The following MRPS22 variants were observed in gnomAD, a reference collection of about 807,000 sequenced individuals.
The protein encoded by MRPS22 is mitochondrial ribosomal protein S22, also known as small ribosomal subunit protein mS22.
In MRPS22, 30 loss-of-function variants were observed where a neutral mutation model predicts 44.0. The ratio of observed to expected loss-of-function variants is 0.68; its 90% confidence interval spans 0.51 to 0.93. The LOEUF (loss-of-function observed/expected upper bound fraction) is 0.93, where lower values mean the gene tolerates loss of function less well. Among genes scored for constraint, MRPS22 ranks in the 40% least tolerant of loss-of-function variants. The pLI is 0.00. For synonymous variants in MRPS22, 165 were observed against 154.4 expected (o/e 1.07, Z -0.51); for missense variants, 447 against 447.8 (o/e 1.00, Z 0.02).
intron 6 of MRPS22, 110 bp downstream of exon 6, chr3:139,352,902 C>T: frequency 8.5e-7 from 1 of 1,181,134 alleles, no homozygotes; most frequent in Non-Finnish European, 1.2e-6. Context: ...CTAGTGCTTG[C>T]TTACCTCAGT....
chr3:139,344,787 A>C, intron 1 of MRPS22: 1 of 630,000 alleles, frequency 1.6e-6, no homozygotes, highest in Non-Finnish European at 2.8e-6. Context: ...ATTGTTTCTT[A>C]AGTTTTTGAT....
rs2107792021 is a variant in MRPS22 at position 139,355,765 on chromosome 3, C to T, written c.962C>T (p.Ala321Val). 3.1e-6 allele frequency: 5 copies of T among 1,614,010 alleles called. No homozygotes were observed. Among genetic ancestry groups the T allele is most frequent in the Non-Finnish European group, 3.4e-6 (4 of 1,179,908 alleles). Residue 321 changes from alanine (A) to valine (V), a missense_variant, in exon 7 of 8, where the codon GCT becomes GTT. Transcript: ENST00000680020. ...GQSAQGAKDQAAEGINLIKVF... is the reference protein window; with the variant it reads ...GQSAQGAKDQVAEGINLIKVF... ...TCGGCTCAAGGGGCCAAGGATCAGG[C>T]TGCTGAGGGAATAAATTTAATCAAG...
chr3:139,354,816 A>G (rs1941213964), intron 6 of MRPS22, among the ~76,000 whole-genome samples: 1 of 152,156 alleles, frequency 6.6e-6, no homozygotes, highest in African/African-American at 2.4e-5. Context: ...TAGTTCACTT[A>G]GTGTATATAG....
Position 139,350,164 on chromosome 3 carries a change from GT to G in MRPS22, c.505-10del, listed in dbSNP as rs780027113. 1.2e-6 allele frequency: 2 copies of G among 1,613,960 alleles called. No homozygotes were observed. The highest frequency in any genetic ancestry group is 1.3e-5 in the African/African-American group (1 of 75,036). ...TCCTCACAAACGCATCCTTGATTAT[GT>G]TTTTCTATTTTAGGAGCGTTTTATT... On this transcript the variant is annotated splice_polypyrimidine_tract_variant and intron_variant, in intron 3 of 7. Coordinates refer to ENST00000680020, the MANE Select transcript of MRPS22 (RefSeq NM_020191.4).
At chr3:139,355,479 C>T in intron 6 of MRPS22, 1 of 596,558 alleles carries the variant, frequency 1.7e-6, no homozygotes, top group African/African-American at 1.9e-5. Flanking sequence ...GCCCTAGCTG[C>T]CTCACGGAGT....
At chr3:139,344,979 A>G (rs1333063680) in intron 1 of MRPS22, among the ~76,000 whole-genome samples, 1 of 152,202 alleles carries the variant, frequency 6.6e-6, no homozygotes, top group African/African-American at 2.4e-5. Context: ...ACTGTTTAGT[A>G]TGGAGTTAAA....
intron 6 of MRPS22, among the ~76,000 whole-genome samples, chr3:139,353,666 T>A (rs188190769): frequency 2.9e-4 from 44 of 152,340 alleles, no homozygotes; most frequent in Non-Finnish European, 5.3e-4. Context: ...AAAAAGGGCA[T>A]CATTTCTCAT....
At chr3:139,355,153 G>A (rs906618664) in intron 6 of MRPS22, among the ~76,000 whole-genome samples, 1 of 152,092 alleles carries the variant, frequency 6.6e-6, no homozygotes, top group African/African-American at 2.4e-5. Context: ...TTACTAATGC[G>A]TTCCTGTGAA....
At chr3:139,348,037 T>G in intron 2 of MRPS22, 123 bp from the exon 3 acceptor site, 2 of 1,034,276 alleles carry the variant, frequency 1.9e-6, no homozygotes, top group East Asian at 2.6e-5. Context: ...TACTCACTGA[T>G]TTGTGGCTAC....
intron 1 of MRPS22, among the ~76,000 whole-genome samples, chr3:139,345,004 C>A (rs575681665): frequency 6.6e-6 from 1 of 152,086 alleles, no homozygotes; most frequent in Non-Finnish European, 1.5e-5. Context: ...AAGTGAGGAA[C>A]ATCGGAGTAA....
At chr3:139,348,894 ACT>A (rs5852941) in intron 3 of MRPS22, 111,466 of 164,118 alleles carry the variant, frequency 0.68, 40,554 homozygotes, top group East Asian at 0.9. Context: ...TTAAAAGAAC[ACT>A]CTGGCATTTT....
chr3:139,347,176 G>A lies in MRPS22; in HGVS notation c.339+132G>A. 3 of 1,103,752 alleles carry A rather than the reference G, an allele frequency of 2.7e-6. No individual in the cohort carries two copies. The South Asian group carries it at 3.9e-5, about 15-fold the overall frequency. The allele number at this position is 1,103,752 out of a possible 1,614,324, so 68.4% of individuals were successfully genotyped here. A position where few individuals can be genotyped will look rare whatever the true frequency, so the allele number is the denominator to read the frequency against. ...GAAAGGTAATACCAGGCATAGAACT[G>A]AGAAAAGAAATGTGAGTAGGCTGCC... On this transcript the variant is annotated intron_variant, in intron 2 of 7. Coordinates refer to ENST00000680020, the MANE Select transcript of MRPS22 (RefSeq NM_020191.4).
chr3:139,350,134 A>T, intron 3 of MRPS22, 45 bp from the exon 4 acceptor site: 1 of 1,612,994 alleles, frequency 6.2e-7, no homozygotes, highest in Non-Finnish European at 8.5e-7. Flanking sequence ...GGAACTAAAA[A>T]TACGTCCTCA....
Position 139,351,053 on chromosome 3 carries a change from A to C in MRPS22, c.725A>C (p.Tyr242Ser), listed in dbSNP as rs751395416. ...FAQFEPDSTE[Y>S]IKVHHKTYED... is the part of the protein sequence containing the mutation. ...CAGTTTGAGCCAGATTCCACAGAGT[A>C]TATCAAGGTGAGTAGATTTTAGTTT... Residue 242 changes from tyrosine (Y) to serine (S), a missense_variant, in exon 5 of 8, where the codon TAT becomes TCT. Transcript: ENST00000680020. 13 of 1,613,148 alleles carry C rather than the reference A, an allele frequency of 8.1e-6. No homozygotes were observed. The highest frequency in any genetic ancestry group is 1.1e-5 in the Non-Finnish European group (13 of 1,179,198).
At chr3:139,351,102 T>C (rs1194602280) in intron 5 of MRPS22, 42 bp downstream of exon 5, 1 of 1,437,764 alleles carries the variant, frequency 7.0e-7, no homozygotes, top group Admixed American at 1.7e-5. Flanking sequence ...TTAAGTATGG[T>C]TATGAGTAAG....
chr3:139,344,521 G>C, intron 1 of MRPS22: 1 of 609,300 alleles, frequency 1.6e-6, no homozygotes, highest in East Asian at 2.7e-5. Context: ...TGTGACCCGG[G>C]TTGTTATAGG....
At chr3:139,355,978 G>C (rs1041318973) in intron 7 of MRPS22, among the ~76,000 whole-genome samples, 188 bp downstream of exon 7, 1 of 152,162 alleles carries the variant, frequency 6.6e-6, no homozygotes, top group Non-Finnish European at 1.5e-5. Context: ...AGGGGAGGGG[G>C]GTAAAGTGCA....
chr3:139,351,130 A>G (rs1157747939), intron 5 of MRPS22, 70 bp downstream of exon 5: 49 of 1,198,568 alleles, frequency 4.1e-5, no homozygotes, highest in Non-Finnish European at 5.7e-5. Context: ...ATCTAGCTCA[A>G]TGAATTTCGT....
At chr3:139,345,195 C>CT (rs35409446) in intron 1 of MRPS22, among the ~76,000 whole-genome samples, 1 of 152,128 alleles carries the variant, frequency 6.6e-6, no homozygotes, top group Non-Finnish European at 1.5e-5. Flanking sequence ...ACCACCTTAA[C>CT]TTTTTTTCTA....
Sources: allele counts gnomAD v4.1 joint callset (sites outside exome capture counted in the v4.1 genomes callset), GRCh38; gene constraint gnomAD v4.1.1; transcripts MANE v1.5; gene names NCBI Gene and HGNC (gene_info 2026-07-23, HGNC 2026-07-21).